Variants in RANBP9 observed in about 807,000 individuals in gnomAD.
The protein encoded by RANBP9 is RAN binding protein 9.
Under a neutral mutation model 84.3 loss-of-function variants are expected in RANBP9, and 15 were observed. The observed-to-expected ratio is 0.18, with a 90% CI of 0.12 to 0.27. The LOEUF (loss-of-function observed/expected upper bound fraction) is 0.27, where lower values mean the gene tolerates loss of function less well. Among genes scored for constraint, RANBP9 ranks in the 10% least tolerant of loss-of-function variants. The pLI is 1.00. For missense variants in RANBP9, 809 were observed against 912.8 expected (o/e 0.89, Z 1.46); for synonymous variants, 392 against 349.6 (o/e 1.12, Z -1.35).
intron 10 of RANBP9, among the ~76,000 whole-genome samples, chr6:13,635,122 ATGAT>A (rs1380635517): frequency 1.3e-5 from 2 of 152,254 alleles, no homozygotes; most frequent in Non-Finnish European, 2.9e-5. Context: ...AACTTAAAAA[ATGAT>A]TGAGCTTCAT....
intron 1 of RANBP9, among the ~76,000 whole-genome samples, chr6:13,702,936 T>C (rs1475644103): frequency 6.6e-6 from 1 of 152,188 alleles, no homozygotes; most frequent in African/African-American, 2.4e-5. Flanking sequence ...CCAAACGTAG[T>C]GGAAAACTAT....
chr6:13,702,408 A>G (rs1757997265), intron 1 of RANBP9, among the ~76,000 whole-genome samples: 1 of 152,248 alleles, frequency 6.6e-6, no homozygotes. Flanking sequence ...TCAAGAAAAA[A>G]TAGTAATAAT....
At chr6:13,657,726 A>G (rs1175423107) in intron 3 of RANBP9, among the ~76,000 whole-genome samples, 1 of 152,226 alleles carries the variant, frequency 6.6e-6, no homozygotes, top group African/African-American at 2.4e-5. Flanking sequence ...GTGTGGTCTT[A>G]CCACACTACA....
intron 9 of RANBP9, among the ~76,000 whole-genome samples, chr6:13,638,914 T>A (rs1765002474): frequency 6.6e-6 from 1 of 152,160 alleles, no homozygotes; most frequent in East Asian, 1.9e-4. Flanking sequence ...ACCAGTGGCA[T>A]AAGGTATCAC....
chr6:13,638,043 A>AAGACTTCT, intron 9 of RANBP9, 88 bp from the exon 10 acceptor site: 1 of 1,268,428 alleles, frequency 7.9e-7, no homozygotes, highest in East Asian at 2.5e-5. Context: ...ATTTTGTACT[A>AAGACTTCT]AGACTTCTAG....
chr6:13,684,260 T>C (rs1409213504), intron 2 of RANBP9, among the ~76,000 whole-genome samples: 13 of 152,202 alleles, frequency 8.5e-5, no homozygotes, highest in Admixed American at 5.9e-4. Flanking sequence ...TGTCTTTCAT[T>C]GTTATGCCCT....
Position 13,632,353 on chromosome 6 carries a change from A to G in RANBP9, c.1947+17T>C. Reference sequence around the variant, plus strand: ...CCTCTGACATATTCATAATTTTTCAAGAAAAAATATATTCACCTTCAACAT... The same window carrying G: ...CCTCTGACATATTCATAATTTTTCAGGAAAAAATATATTCACCTTCAACAT... On this transcript the variant is annotated intron_variant, in intron 12 of 13. Transcript: ENST00000011619. 1 of 1,605,642 alleles carries G rather than the reference A, an allele frequency of 6.2e-7. No individual in the cohort carries two copies. The highest frequency in any genetic ancestry group is 8.5e-7 in the Non-Finnish European group (1 of 1,175,554).
intron 2 of RANBP9, among the ~76,000 whole-genome samples, chr6:13,682,604 C>G (rs1275202589): frequency 1.3e-5 from 2 of 152,078 alleles, no homozygotes; most frequent in African/African-American, 2.4e-5. Flanking sequence ...AGGCGCCCAC[C>G]ACCAGGCCCA....
rs1172184147 is a variant in RANBP9 at position 13,706,694 on chromosome 6, T to TAA, written c.571+4239_571+4240dup. Among the ~76,000 whole-genome samples, 8 of 124,440 alleles carry TAA rather than the reference T, an allele frequency of 6.4e-5. No homozygotes were observed. In the South Asian group the frequency reaches 1.0e-3, roughly 16 times the overall value. 81.6% of individuals were successfully genotyped at this position (124,440 alleles called of 152,430 possible). A position where few individuals can be genotyped will look rare whatever the true frequency, so the allele number is the denominator to read the frequency against. ...ACAACAGCAGAGCGAGACTCCATCT[T>TAA]AAAAAAAAAAAAAAAGGACAATTCA... On this transcript the variant is annotated intron_variant, in intron 1 of 13. Transcript: ENST00000011619.
chr6:13,626,762 G>C (rs1764617846), intron 12 of RANBP9, among the ~76,000 whole-genome samples: 1 of 152,130 alleles, frequency 6.6e-6, no homozygotes, highest in Non-Finnish European at 1.5e-5. Flanking sequence ...TTCCTAAAGA[G>C]CACCATCTCC....
chr6:13,710,812 C>CGCCCACCCG, intron 1 of RANBP9, 123 bp downstream of exon 1: 1 of 1,060,382 alleles, frequency 9.4e-7, no homozygotes, highest in African/African-American at 1.7e-5. Flanking sequence ...CAACAGGCGG[C>CGCCCACCCG]GAGTGGCCTC....
chr6:13,653,056 C>T (rs1364263234), intron 4 of RANBP9, among the ~76,000 whole-genome samples: 1 of 152,084 alleles, frequency 6.6e-6, no homozygotes, highest in Non-Finnish European at 1.5e-5. Context: ...GTACCCTCAC[C>T]GTTTAATAAT....
At chr6:13,624,677 A>C (rs150024103) in intron 13 of RANBP9, among the ~76,000 whole-genome samples, 1 of 152,366 alleles carries the variant, frequency 6.6e-6, no homozygotes, top group East Asian at 1.9e-4. Context: ...CAAACGCTAC[A>C]GTGAGCTGCT....
Position 13,637,841 on chromosome 6 carries a change from A to G in RANBP9, c.1640T>C (p.Met547Thr), listed in dbSNP as rs35960848. 1.4e-3 allele frequency: 2,193 copies of G among 1,600,080 alleles called. 27 individuals carry two copies. The African/African-American group carries it at 0.026, about 19-fold the overall frequency. Residue 547 changes from methionine to threonine, a missense_variant, in exon 10 of 14, where the codon ATG becomes ACG. By Grantham distance (81) the Met-to-Thr change is moderately conservative. Around this residue, in one of 5 missense-constraint regions of RANBP9, gnomAD observed 233 missense variants for 234.4 expected, o/e 0.99. Transcript: ENST00000011619. The stretch of plus-strand genomic sequence containing the variant: ...GTTATTAACTTGCTGTGATCTTGAC[A>G]TATTTATACTGTTTAGTTCTGGTAC... ...LNVPELNSIN[M>T]SRSQQVNNFT...
chr6:13,694,719 C>T (rs1361119059), intron 2 of RANBP9, among the ~76,000 whole-genome samples: 1 of 152,112 alleles, frequency 6.6e-6, no homozygotes, highest in Non-Finnish European at 1.5e-5. Flanking sequence ...AATCTCATGC[C>T]ATTGGATTCA....
chr6:13,694,487 G>C (rs762313908), intron 2 of RANBP9, among the ~76,000 whole-genome samples: 13 of 152,164 alleles, frequency 8.5e-5, no homozygotes, highest in Non-Finnish European at 1.5e-4. Context: ...CAGTTACCAG[G>C]AGCTAGATAT....
chr6:13,679,751 T>TTA (rs1765985328), intron 2 of RANBP9, among the ~76,000 whole-genome samples: 1 of 152,176 alleles, frequency 6.6e-6, no homozygotes, highest in South Asian at 2.1e-4. Context: ...TCTATAAACA[T>TTA]TACAGGTTCT....
chr6:13,683,018 T>C (rs534750295), intron 2 of RANBP9, among the ~76,000 whole-genome samples: 8 of 152,214 alleles, frequency 5.3e-5, no homozygotes, highest in Non-Finnish European at 8.8e-5. Context: ...TTTGTAAATG[T>C]TGGGGAGGAA....
Position 13,625,641 on chromosome 6 carries a change from G to T in RANBP9, c.2059+12C>A. Reference sequence around the variant, plus strand: ...ATCTAACTGAAATTGTGCCTTATTTGGCTTTACTTACCTAATATTGCACTG... The same window carrying T: ...ATCTAACTGAAATTGTGCCTTATTTTGCTTTACTTACCTAATATTGCACTG... On this transcript the variant is annotated intron_variant, in intron 13 of 13. Transcript: ENST00000011619. 1.3e-6 allele frequency: 2 copies of T among 1,555,694 alleles called. No individual in the cohort carries two copies. Among genetic ancestry groups the T allele is most frequent in the Non-Finnish European group, 8.9e-7 (1 of 1,128,408 alleles).
Sources: gnomAD v4.1 joint callset for allele counts (sites outside exome capture counted in the v4.1 genomes callset) on GRCh38, gnomAD v4.1.1 for gene constraint, gnomAD v4.1.1 regional missense constraint, MANE v1.5 for transcripts, NCBI Gene and HGNC (gene_info 2026-07-23, HGNC 2026-07-21) for gene names.